The following LOC122539214 variants were observed in gnomAD, a reference collection of about 807,000 sequenced individuals.
the LOC122539214 span, among the ~76,000 whole-genome samples, chr19:52,684,543 C>CTAT: frequency 1.2e-5 from 1 of 82,228 alleles, no homozygotes; most frequent in African/African-American, 7.5e-5. Context: ...GAGTGAGACT[C>CTAT]TGTCTAAAAA....
the LOC122539214 span, chr19:52,652,931 C>A: frequency 3.3e-6 from 4 of 1,196,150 alleles, no homozygotes; most frequent in African/African-American, 3.0e-5. Flanking sequence ...TAATGGTATA[C>A]AAAGGATGAC....
chr19:52,673,499 A>G, the LOC122539214 span, among the ~76,000 whole-genome samples: 2 of 139,760 alleles, frequency 1.4e-5, no homozygotes, highest in African/African-American at 2.6e-5. Context: ...GTGTAACTCC[A>G]TCACACACAC....
chr19:52,687,544 AATTATATGTGTAAAT>A, the LOC122539214 span, among the ~76,000 whole-genome samples: 38 of 25,128 alleles, frequency 1.5e-3, 1 homozygote, highest in African/African-American at 4.6e-3. Context: ...TATATATATA[AATTATATGTGTAAAT>A]TTTATATATA....
chr19:52,682,926 A>G, the LOC122539214 span, among the ~76,000 whole-genome samples: 2 of 152,058 alleles, frequency 1.3e-5, no homozygotes, highest in Non-Finnish European at 1.5e-5. Flanking sequence ...GCTGGAGTAC[A>G]GTGGCACCAT....
At chr19:52,674,693 C>G in the LOC122539214 span, among the ~76,000 whole-genome samples, 1,454 of 140,484 alleles carry the variant, frequency 0.01, 13 homozygotes, top group Non-Finnish European at 0.015. Flanking sequence ...CTAAGATATA[C>G]TTAGGAATAA....
chr19:52,687,508 A>T, the LOC122539214 span, among the ~76,000 whole-genome samples: 9 of 71,226 alleles, frequency 1.3e-4, no homozygotes, highest in African/African-American at 5.3e-4. Context: ...AGATATATAA[A>T]TTATATATAA....
At chr19:52,668,952 C>T in the LOC122539214 span, among the ~76,000 whole-genome samples, 1 of 152,190 alleles carries the variant, frequency 6.6e-6, no homozygotes, top group Non-Finnish European at 1.5e-5. Flanking sequence ...ATCCAGCTTC[C>T]AACTCCCAAC....
chr19:52,670,686 T>A, the LOC122539214 span, among the ~76,000 whole-genome samples: 2 of 152,168 alleles, frequency 1.3e-5, no homozygotes, highest in Non-Finnish European at 2.9e-5. Context: ...AGAACATATG[T>A]CCAAGGTGAT....
At chr19:52,680,323 C>G in the LOC122539214 span, among the ~76,000 whole-genome samples, 1 of 152,142 alleles carries the variant, frequency 6.6e-6, no homozygotes, top group African/African-American at 2.4e-5. Flanking sequence ...CTGTAGCTCT[C>G]CCACATCACT....
the LOC122539214 span, among the ~76,000 whole-genome samples, chr19:52,679,607 T>C: frequency 2.6e-5 from 4 of 151,996 alleles, no homozygotes; most frequent in African/African-American, 9.6e-5. Flanking sequence ...GGAGACTGTA[T>C]CTCAAAAAAT....
chr19:52,674,768 T>C, the LOC122539214 span, among the ~76,000 whole-genome samples: 7 of 152,320 alleles, frequency 4.6e-5, no homozygotes, highest in South Asian at 4.1e-4. Context: ...ATTAAAAACA[T>C]AGAGATACAA....
the LOC122539214 span, among the ~76,000 whole-genome samples, chr19:52,666,959 G>C: frequency 6.6e-6 from 1 of 152,190 alleles, no homozygotes; most frequent in Non-Finnish European, 1.5e-5. Flanking sequence ...TGTGCAAGCT[G>C]TTTGCACTCA....
the LOC122539214 span, among the ~76,000 whole-genome samples, chr19:52,680,665 TG>T: frequency 7.7e-6 from 1 of 130,058 alleles, no homozygotes; most frequent in Non-Finnish European, 1.5e-5. Context: ...CAGGCTGGAG[TG>T]CAGTGGCGCG....
chr19:52,676,527 C>T, the LOC122539214 span, among the ~76,000 whole-genome samples: 1 of 151,622 alleles, frequency 6.6e-6, no homozygotes, highest in East Asian at 1.9e-4. Context: ...CCCGGCCAGC[C>T]GCCCCGTCTG....
chr19:52,686,509 AAAAAAG>A, the LOC122539214 span, among the ~76,000 whole-genome samples: 3 of 151,188 alleles, frequency 2.0e-5, no homozygotes, highest in East Asian at 1.9e-4. Flanking sequence ...GAAAGAAAAA[AAAAAAG>A]AAATCTATTA....
chr19:52,669,075 T>G, the LOC122539214 span, among the ~76,000 whole-genome samples: 1 of 152,232 alleles, frequency 6.6e-6, no homozygotes, highest in Non-Finnish European at 1.5e-5. Context: ...CAGCCACTCT[T>G]TATTCATCCC....
At chr19:52,654,598 T>A in the LOC122539214 span, among the ~76,000 whole-genome samples, 1 of 152,162 alleles carries the variant, frequency 6.6e-6, no homozygotes, top group Non-Finnish European at 1.5e-5. Flanking sequence ...ATGCCTGTAA[T>A]CCCAGCTACT....
chr19:52,672,260 A>C, the LOC122539214 span, among the ~76,000 whole-genome samples: 2 of 152,192 alleles, frequency 1.3e-5, no homozygotes, highest in Non-Finnish European at 2.9e-5. Flanking sequence ...AAATAAAATG[A>C]AATTATAAAT....
chr19:52,660,325 T>C, the LOC122539214 span, among the ~76,000 whole-genome samples: 2 of 152,118 alleles, frequency 1.3e-5, no homozygotes, highest in Non-Finnish European at 2.9e-5. Flanking sequence ...TCCAGATATC[T>C]GCAGTGAAGT....
Sources: allele counts gnomAD v4.1 joint callset (sites outside exome capture counted in the v4.1 genomes callset), GRCh38; gene constraint gnomAD v4.1.1; transcripts MANE v1.5.